Variants in IWS1 observed in about 807,000 individuals in gnomAD.
The protein encoded by IWS1 is protein IWS1 homolog.
A neutral mutation model predicts 86.7 loss-of-function variants in IWS1; 27 were observed. The ratio of observed to expected loss-of-function variants is 0.31; its 90% CI spans 0.23 to 0.43. The LOEUF (loss-of-function observed/expected upper bound fraction) is 0.43. Ranked by LOEUF, IWS1 falls within the 20% of genes least tolerant of loss-of-function variation. The pLI is 1.00. For synonymous variants in IWS1, 313 were observed against 335.1 expected (o/e 0.93, Z 0.72); for missense variants, 827 against 1,000.8 (o/e 0.83, Z 2.34).
At chr2:127,512,155 T>C (rs568069682) in intron 2 of IWS1, among the ~76,000 whole-genome samples, 1 of 152,310 alleles carries the variant, frequency 6.6e-6, no homozygotes, top group Non-Finnish European at 1.5e-5. Context: ...CTTCTATATA[T>C]AGATAAAATC....
chr2:127,503,301 A>G (rs757355248), intron 4 of IWS1, 86 bp downstream of exon 4: 208 of 950,858 alleles, frequency 2.2e-4, no homozygotes, highest in Middle Eastern at 4.5e-4. Flanking sequence ...ACATGCAATT[A>G]GGCAGGACAT....
At chr2:127,495,366 TC>T (rs1373320578) in intron 7 of IWS1, among the ~76,000 whole-genome samples, 1 of 152,232 alleles carries the variant, frequency 6.6e-6, no homozygotes, top group African/African-American at 2.4e-5. Flanking sequence ...GGCAGTTTTT[TC>T]TATTTTTTTA....
intron 2 of IWS1, among the ~76,000 whole-genome samples, chr2:127,513,291 A>C (rs1691572175): frequency 6.6e-6 from 1 of 152,248 alleles, no homozygotes; most frequent in African/African-American, 2.4e-5. Flanking sequence ...TTTGGAAACC[A>C]TATAATAACA....
intron 13 of IWS1, 140 bp from the exon 14 acceptor site, chr2:127,481,315 G>C (rs982990653): frequency 4.5e-6 from 3 of 661,358 alleles, no homozygotes; most frequent in Non-Finnish European, 7.3e-6. Flanking sequence ...ATGACCTCAA[G>C]AACAACAAAG....
At chr2:127,524,121 T>C (rs1692258372) in intron 1 of IWS1, among the ~76,000 whole-genome samples, 1 of 152,204 alleles carries the variant, frequency 6.6e-6, no homozygotes, top group Non-Finnish European at 1.5e-5. Flanking sequence ...CCTTCTAATA[T>C]ACTACCTGAA....
In IWS1 at chr2:127,526,227, G is replaced by T. The variant is rs1481124746; in HGVS notation, c.-19C>A. The stretch of plus-strand genomic sequence containing the variant: ...AGTCCATGGCAGGCGGACTCTCAGC[G>T]GGGAGTGTCCGCGCCCCGCGCCGCC... On this transcript the variant is annotated 5_prime_UTR_variant, in exon 1 of 14. Transcript: ENST00000295321. 1 of 1,560,758 alleles carries T rather than the reference G, an allele frequency of 6.4e-7. No individual in the cohort carries two copies. The highest frequency in any genetic ancestry group is 1.4e-5 in the African/African-American group (1 of 73,464).
intron 13 of IWS1, among the ~76,000 whole-genome samples, chr2:127,481,977 A>AT (rs1689656745): frequency 6.6e-6 from 1 of 152,168 alleles, no homozygotes; most frequent in Non-Finnish European, 1.5e-5. Context: ...TTTGGGGGCT[A>AT]TTTTATATTT....
At chr2:127,524,099 T>G (rs768278609) in intron 1 of IWS1, among the ~76,000 whole-genome samples, 1 of 152,236 alleles carries the variant, frequency 6.6e-6, no homozygotes. Flanking sequence ...TTTCTCTCCA[T>G]GGCATTTATC....
At chr2:127,511,267 T>G (rs1691436881) in intron 2 of IWS1, 1 of 152,206 alleles carries the variant, frequency 6.6e-6, no homozygotes, top group African/African-American at 2.4e-5. Context: ...CTCTGCTATT[T>G]TCTACTATGT....
intron 3 of IWS1, 150 bp from the exon 4 acceptor site, chr2:127,503,726 C>T: frequency 3.2e-6 from 1 of 314,572 alleles, no homozygotes. Context: ...CAGAGGGCCT[C>T]CTGACACATG....
At chr2:127,524,298 G>C (rs946222423) in intron 1 of IWS1, among the ~76,000 whole-genome samples, 1 of 152,156 alleles carries the variant, frequency 6.6e-6, no homozygotes, top group Non-Finnish European at 1.5e-5. Flanking sequence ...TCCAAAACTA[G>C]TGAAAATCCA....
At chr2:127,481,548 A>G (rs925580049) in intron 13 of IWS1, among the ~76,000 whole-genome samples, 2 of 152,146 alleles carry the variant, frequency 1.3e-5, no homozygotes, top group Non-Finnish European at 2.9e-5. Flanking sequence ...TAGCCGCTTG[A>G]CATGCACTTT....
At chr2:127,497,624 C>A (rs1357566142) in intron 6 of IWS1, among the ~76,000 whole-genome samples, 1 of 152,144 alleles carries the variant, frequency 6.6e-6, no homozygotes, top group African/African-American at 2.4e-5. Context: ...TTACTGCATG[C>A]CACTAGGAAT....
chr2:127,484,556 A>C (rs1300778241), intron 13 of IWS1: 1 of 152,280 alleles, frequency 6.6e-6, no homozygotes, highest in African/African-American at 2.4e-5. Context: ...CAGAAACATC[A>C]GCACACAGGG....
chr2:127,523,345 CA>C (rs1692211265), intron 2 of IWS1, among the ~76,000 whole-genome samples: 1 of 152,158 alleles, frequency 6.6e-6, no homozygotes, highest in Non-Finnish European at 1.5e-5. Flanking sequence ...CTTCAGATTG[CA>C]AATGCTCAAT....
intron 2 of IWS1, among the ~76,000 whole-genome samples, chr2:127,509,584 T>C (rs1367661804): frequency 6.6e-6 from 1 of 152,024 alleles, no homozygotes; most frequent in African/African-American, 2.4e-5. Context: ...GGCGCACTCC[T>C]GTAGTCCCAG....
intron 5 of IWS1, among the ~76,000 whole-genome samples, chr2:127,500,879 A>C (rs1398199151): frequency 6.6e-6 from 1 of 151,950 alleles, no homozygotes; most frequent in African/African-American, 2.4e-5. Context: ...ATTCCATTTT[A>C]GTCTTGTTAG....
chr2:127,485,530 GAAACCACT>G (rs1203469190), intron 13 of IWS1, among the ~76,000 whole-genome samples: 1 of 152,088 alleles, frequency 6.6e-6, no homozygotes, highest in Non-Finnish European at 1.5e-5. Context: ...CTCCCACCAG[GAAACCACT>G]AACTAGTTTA....
At chr2:127,516,186 C>T (rs372609129) in intron 2 of IWS1, among the ~76,000 whole-genome samples, 3 of 152,148 alleles carry the variant, frequency 2.0e-5, no homozygotes, top group East Asian at 3.8e-4. Context: ...CGTGGCAAAA[C>T]TCCATGTCTA....
Sources: gnomAD v4.1 joint callset for allele counts (sites outside exome capture counted in the v4.1 genomes callset) on GRCh38, gnomAD v4.1.1 for gene constraint, MANE v1.5 for transcripts, NCBI Gene and HGNC (gene_info 2026-07-23, HGNC 2026-07-21) for gene names.